PLEKHG1: variants seen among roughly 807,000 people sequenced by gnomAD.
PLEKHG1 encodes pleckstrin homology domain-containing family G member 1.
Under a neutral mutation model 100.8 loss-of-function variants are expected in PLEKHG1, and 44 were observed. The observed-to-expected ratio is 0.44, with a 90% CI of 0.34 to 0.56. The LOEUF is 0.56. PLEKHG1 is among the 20% of genes least tolerant of loss of function. PLEKHG1 has a pLI of 0.01. For synonymous variants in PLEKHG1, 640 were observed against 662.5 expected (o/e 0.97, Z 0.52); for missense variants, 1,545 against 1,720.9 (o/e 0.90, Z 1.81).
In PLEKHG1 at chr6:150,628,840, G is replaced by A. The variant is rs527744211; in HGVS notation, c.-203-9240G>A. ...ACTGGTTAGAGAAGCACTACTCCAGGTAAGAATGTAGTGCTGTCATCCACA... is the reference window on the plus strand; with the variant it reads ...ACTGGTTAGAGAAGCACTACTCCAGATAAGAATGTAGTGCTGTCATCCACA... On this transcript the variant is annotated intron_variant, in intron 1 of 3. Coordinates refer to the PLEKHG1 transcript ENST00000367326. 3.9e-5 allele frequency among the ~76,000 whole-genome samples: 6 copies of A among 152,290 alleles called. No individual in the cohort carries two copies. The East Asian group carries it at 9.6e-4, about 24-fold the overall frequency.
chr6:150,810,164 T>C (rs1392046802), intron 10 of PLEKHG1, among the ~76,000 whole-genome samples: 1 of 151,682 alleles, frequency 6.6e-6, no homozygotes, highest in African/African-American at 2.4e-5. Context: ...CCCGGCATGA[T>C]GGCACGCACC....
At chr6:150,630,610 G>A (rs1421229726) in intron 1 of PLEKHG1, among the ~76,000 whole-genome samples, 1 of 152,196 alleles carries the variant, frequency 6.6e-6, no homozygotes, top group Non-Finnish European at 1.5e-5. Context: ...CTTTGGCTAC[G>A]CTAGGTCTGA....
intron 3 of PLEKHG1, among the ~76,000 whole-genome samples, chr6:150,682,413 C>A (rs1779966646): frequency 6.6e-6 from 1 of 152,090 alleles, no homozygotes; most frequent in South Asian, 2.1e-4. Flanking sequence ...CTCCGGGGGT[C>A]ATTTTGTTCC....
At chr6:150,645,144 A>G (rs1243644619) in intron 2 of PLEKHG1, among the ~76,000 whole-genome samples, 1 of 152,224 alleles carries the variant, frequency 6.6e-6, no homozygotes, top group Non-Finnish European at 1.5e-5. Flanking sequence ...GTTAGACCAA[A>G]AAATAGTAAT....
Position 150,800,565 on chromosome 6 carries a change from C to G in PLEKHG1, c.630-154C>G, listed in dbSNP as rs552664099. On this transcript the variant is annotated intron_variant, in intron 5 of 15. Coordinates refer to ENST00000358517, the Ensembl canonical transcript of PLEKHG1. ...TCTAATTCACCCTCCCAGAGGGAAC[C>G]CTTTCTCCAATTTGCCTAAAGGCAT... Among the ~76,000 whole-genome samples the G allele has an allele frequency of 2.6e-5, 4 of 152,330 alleles. No homozygotes were observed. The East Asian group carries it at 5.8e-4, about 22-fold the overall frequency.
At chr6:150,651,816 A>G (rs1778755537) in intron 3 of PLEKHG1, 1 of 152,100 alleles carries the variant, frequency 6.6e-6, no homozygotes, top group South Asian at 2.1e-4. Context: ...CGGAGATTGT[A>G]CCACTGCACT....
intron 3 of PLEKHG1, among the ~76,000 whole-genome samples, chr6:150,653,866 G>A (rs747389836): frequency 1.3e-5 from 2 of 152,138 alleles, no homozygotes; most frequent in East Asian, 3.8e-4. Context: ...GAAAGAAATG[G>A]CATGTTGTTA....
intron 2 of PLEKHG1, among the ~76,000 whole-genome samples, chr6:150,768,238 TTCTG>T (rs1267104399): frequency 2.6e-5 from 4 of 152,270 alleles, no homozygotes; most frequent in Middle Eastern, 3.2e-3. Flanking sequence ...TTAAAACAAA[TTCTG>T]TCAGTTCAGA....
Position 150,661,924 on chromosome 6 carries a change from T to G in PLEKHG1, c.-99+11138T>G, listed in dbSNP as rs187399799. On this transcript the variant is annotated intron_variant, in intron 3 of 3. Transcript: ENST00000367326. Reference sequence around the variant, plus strand: ...GACCCAAGCATTCTTGTTTGTTTTGTGGCAAGAGCTTAGGTGGAATGATTT... The same window carrying G: ...GACCCAAGCATTCTTGTTTGTTTTGGGGCAAGAGCTTAGGTGGAATGATTT... Among the ~76,000 whole-genome samples, 774 of 152,256 alleles carry G rather than the reference T, an allele frequency of 5.1e-3. 1 individual carries two copies. The highest frequency in any genetic ancestry group is 8.7e-3 in the Non-Finnish European group (592 of 68,010).
chr6:150,680,253 A>G (rs1313108430), intron 3 of PLEKHG1, among the ~76,000 whole-genome samples: 2 of 152,218 alleles, frequency 1.3e-5, no homozygotes, highest in Non-Finnish European at 2.9e-5. Flanking sequence ...ATGCAAGTGA[A>G]TTAAGAAGTA....
intron 15 of PLEKHG1, among the ~76,000 whole-genome samples, chr6:150,835,867 CTA>C (rs1377216857): frequency 6.6e-6 from 1 of 152,184 alleles, no homozygotes; most frequent in Non-Finnish European, 1.5e-5. Context: ...ACTCACACCT[CTA>C]TTGCCTACTA....
At chr6:150,606,382 A>G (rs1187635881) in intron 1 of PLEKHG1, among the ~76,000 whole-genome samples, 1 of 152,076 alleles carries the variant, frequency 6.6e-6, no homozygotes, top group South Asian at 2.1e-4. Context: ...TCTCCTCCCT[A>G]TCCCACGAGC....
At chr6:150,668,933 A>G (rs1779492901) in intron 3 of PLEKHG1, among the ~76,000 whole-genome samples, 1 of 152,224 alleles carries the variant, frequency 6.6e-6, no homozygotes, top group Non-Finnish European at 1.5e-5. Flanking sequence ...ATTGTGAGCA[A>G]TGTAGCTCAA....
At chr6:150,680,423 G>A (rs1779894289) in intron 3 of PLEKHG1, among the ~76,000 whole-genome samples, 1 of 152,144 alleles carries the variant, frequency 6.6e-6, no homozygotes, top group Admixed American at 6.6e-5. Context: ...TTTCATTTTG[G>A]TTATATTACA....
chr6:150,671,993 T>C (rs1779602356), intron 3 of PLEKHG1, among the ~76,000 whole-genome samples: 1 of 152,062 alleles, frequency 6.6e-6, no homozygotes, highest in Non-Finnish European at 1.5e-5. Context: ...TCACTAGCTA[T>C]TGGGTGAGAA....
intron 2 of PLEKHG1, among the ~76,000 whole-genome samples, chr6:150,744,539 C>A (rs556270621): frequency 6.4e-4 from 98 of 152,316 alleles, no homozygotes; most frequent in African/African-American, 2.2e-3. Context: ...GTTGTGGATG[C>A]TTTTCCATAA....
Position 150,600,892 on chromosome 6 carries a change from G to A in PLEKHG1, c.-204+875G>A, listed in dbSNP as rs746724822. ...CTGGCGGAGCGGGGTTTGTAAGCCG[G>A]CGTTTCATCCAGCTCTGGTCCTCAA... On this transcript the variant is annotated intron_variant, in intron 1 of 3. Transcript: ENST00000367326. This position sits in a 1 kb window ranked among gnomAD's most constrained non-coding sequence, Gnocchi z 6.2. 1 of 152,216 alleles carries A rather than the reference G, an allele frequency of 6.6e-6. No individual in the cohort carries two copies. The highest frequency in any genetic ancestry group is 1.9e-4 in the East Asian group (1 of 5,180). The allele number at this position is 152,216 out of a possible 1,614,324, so 9.4% of individuals were successfully genotyped here.
intron 3 of PLEKHG1, among the ~76,000 whole-genome samples, chr6:150,652,601 T>A (rs1582888087): frequency 1.3e-5 from 2 of 151,330 alleles, no homozygotes; most frequent in African/African-American, 2.4e-5. Context: ...ATGCCTGTAA[T>A]CCCCGCTACT....
chr6:150,757,131 G>A (rs1267294938), intron 2 of PLEKHG1, among the ~76,000 whole-genome samples: 1 of 152,116 alleles, frequency 6.6e-6, no homozygotes, highest in Non-Finnish European at 1.5e-5. Context: ...CTGAGTAGCT[G>A]GGATTACAGG....
Sources: gnomAD v4.1 joint callset for allele counts (sites outside exome capture counted in the v4.1 genomes callset) on GRCh38, gnomAD v4.1.1 for gene constraint, Gnocchi (gnomAD v3.1) non-coding constraint, MANE v1.5 for transcripts, NCBI Gene and HGNC (gene_info 2026-07-23, HGNC 2026-07-21) for gene names.